The following USP34 variants were observed in gnomAD, a reference collection of about 807,000 sequenced individuals.
USP34 encodes the protein ubiquitin carboxyl-terminal hydrolase 34.
A neutral mutation model predicts 460.3 loss-of-function variants in USP34; 70 were observed. That is an observed-to-expected ratio of 0.15 (90% confidence interval 0.13 to 0.19). The LOEUF (loss-of-function observed/expected upper bound fraction) is 0.19, where lower values mean the gene tolerates loss of function less well. Ranked by LOEUF, USP34 falls within the 10% of genes least tolerant of loss-of-function variation. The pLI is 1.00. For missense variants in USP34, 3,985 were observed against 4,236.2 expected, an observed-to-expected ratio of 0.94 and a Z score of 1.65; for synonymous variants, 1,647 against 1,405.3, an observed-to-expected ratio of 1.17 and a Z score of -3.85.
At chr2:61,365,072 T>C (rs1692390157) in intron 10 of USP34, among the ~76,000 whole-genome samples, 1 of 151,924 alleles carries the variant, frequency 6.6e-6, no homozygotes, top group Admixed American at 6.6e-5. Context: ...ACCAACATGG[T>C]GAAATCCCGT....
intron 20 of USP34, 35 bp from the exon 21 acceptor site, chr2:61,325,492 C>G: frequency 7.4e-7 from 1 of 1,345,756 alleles, no homozygotes; most frequent in Non-Finnish European, 9.9e-7. Flanking sequence ...AATTAAATAT[C>G]CTATTTCTTA....
intron 18 of USP34, among the ~76,000 whole-genome samples, chr2:61,337,240 A>G (rs1691448497): frequency 6.6e-6 from 1 of 152,200 alleles, no homozygotes; most frequent in Non-Finnish European, 1.5e-5. Context: ...CATGATATAA[A>G]TAAAATAATA....
chr2:61,435,419 G>T (rs895865342), intron 1 of USP34, among the ~76,000 whole-genome samples: 3 of 150,478 alleles, frequency 2.0e-5, no homozygotes, highest in Non-Finnish European at 4.4e-5. Flanking sequence ...ATCCTTACAG[G>T]CAAGGAGTGA....
Position 61,278,412 on chromosome 2 carries a change from C to T in USP34, c.5288G>A (p.Arg1763Lys), listed in dbSNP as rs772156487. The T allele has an allele frequency of 1.2e-6, 2 of 1,601,182 alleles. No individual in the cohort carries two copies. The highest frequency in any genetic ancestry group is 2.3e-5 in the South Asian group (2 of 87,984). Residue 1763 changes from arginine to lysine, a missense_variant, in exon 40 of 80, where the codon AGA (arginine) becomes AAA (lysine). Arg to Lys is a conservative substitution (Grantham distance 26). Around this residue, in one of 14 missense-constraint regions of USP34, gnomAD observed 1,114 missense variants for 1,122.5 expected, o/e 0.99. Transcript: ENST00000398571. ...CCTTCGAATACAGTCAGCCAAATGT[C>T]TTGCCAAGGCATCTAAGTCGAGGAG... ...TTLLDLDALA[R>K]HLADCIRSRE... is the part of the protein sequence containing the mutation.
At position 61,296,927 on chromosome 2, in the gene USP34, TAC is replaced by T. The variant is rs1273768686; in HGVS notation, c.4129-4_4129-3del. 1 of 1,608,128 alleles carries T rather than the reference TAC, an allele frequency of 6.2e-7. No individual in the cohort carries two copies. The highest frequency in any genetic ancestry group is 1.1e-5 in the South Asian group (1 of 89,676). On this transcript the variant is annotated splice_polypyrimidine_tract_variant and splice_region_variant and intron_variant, in intron 29 of 79. Transcript: ENST00000398571. Reference sequence around the variant, plus strand: ...ATGAAGTTCTTCACATCGTAAGCTCTACACAAATAAGAACAACTACTTTATCA... The same window carrying T: ...ATGAAGTTCTTCACATCGTAAGCTCTACAAATAAGAACAACTACTTTATCA...
chr2:61,344,011 C>T lies in USP34; in HGVS notation c.2304G>A (p.Met768Ile), dbSNP rs902779568. 4 of 1,613,746 alleles carry T rather than the reference C, an allele frequency of 2.5e-6. No homozygotes were observed. The highest frequency in any genetic ancestry group is 2.2e-5 in the East Asian group (1 of 44,800). The part of the protein sequence containing the change: ...HHHDGHMVDD[M>I]LSADDVSCSS... ...TACAACTGACATCATCTGCACTTAG[C>T]ATATCATCAACCATATGCCTACAAA... The change falls in exon 16 of 80, where the codon ATG becomes ATA. Residue 768 changes from methionine (M) to isoleucine (I), a missense_variant. This residue lies in a region of USP34 where 716 missense variants were observed against 626.2 expected (regional missense o/e 1.14). Transcript: ENST00000398571.
chr2:61,335,673 T>C (rs1691394421), intron 18 of USP34, among the ~76,000 whole-genome samples: 1 of 152,126 alleles, frequency 6.6e-6, no homozygotes, highest in Admixed American at 6.6e-5. Context: ...CGCTTGAGCC[T>C]GGGAGGCGGA....
In USP34 at chr2:61,264,746, G is replaced by A. The variant is rs189485073; in HGVS notation, c.5778+651C>T. Among the ~76,000 whole-genome samples, 174 of 151,974 alleles carry A rather than the reference G, an allele frequency of 1.1e-3. No homozygotes were observed. In the Middle Eastern group the frequency reaches 0.014, roughly 12 times the overall value. On this transcript the variant is annotated intron_variant, in intron 43 of 79. Coordinates refer to ENST00000398571, the MANE Select transcript of USP34 (RefSeq NM_014709.4). ...ACTAAAAAATAGCCCATAGTTGGCC[G>A]GGCATGGTGGCTCACACCTGTAATC... is the stretch of plus-strand genomic sequence containing the variant.
At chr2:61,238,407 T>A (rs924670769) in intron 53 of USP34, among the ~76,000 whole-genome samples, 13 of 152,194 alleles carry the variant, frequency 8.5e-5, no homozygotes, top group Non-Finnish European at 1.9e-4. Context: ...CAGTTTAAGG[T>A]TAACTTCCTG....
chr2:61,245,177 A>T (rs1411662924), intron 51 of USP34, 33 bp downstream of exon 51: 16 of 1,562,458 alleles, frequency 1.0e-5, no homozygotes, highest in Non-Finnish European at 1.4e-5. Flanking sequence ...TTGGAAGGAC[A>T]CAAACCATTT....
Position 61,233,837 on chromosome 2 carries a change from TG to T in USP34, c.7033-1306del, listed in dbSNP as rs1687987438. On this transcript the variant is annotated intron_variant, in intron 57 of 79. Transcript: ENST00000398571. ...CTGGATGACAGAGTGACACCCACTCTGGGGGTAAAAAAAAAAAAAAAAGTTA... is the reference window on the plus strand; with the variant it reads ...CTGGATGACAGAGTGACACCCACTCTGGGGTAAAAAAAAAAAAAAAAGTTA... 3.6e-5 allele frequency among the ~76,000 whole-genome samples: 4 copies of T among 110,030 alleles called. No homozygotes were observed. The Admixed American group carries it at 4.1e-4, about 11-fold the overall frequency. 72.2% of individuals were successfully genotyped at this position (110,030 alleles called of 152,430 possible). A position where few individuals can be genotyped will look rare whatever the true frequency, so the allele number is the denominator to read the frequency against.
intron 3 of USP34, among the ~76,000 whole-genome samples, chr2:61,404,170 C>G (rs528950841): frequency 2.0e-5 from 3 of 151,502 alleles, no homozygotes; most frequent in African/African-American, 7.3e-5. Flanking sequence ...AGTCTCCATT[C>G]GACATGAAAA....
At chr2:61,465,849 C>T (rs1164926374) in intron 1 of USP34, among the ~76,000 whole-genome samples, 2 of 151,558 alleles carry the variant, frequency 1.3e-5, no homozygotes, top group Non-Finnish European at 2.9e-5. Flanking sequence ...TGGTAGCGGG[C>T]GCCTGTAGTT....
intron 76 of USP34, chr2:61,191,208 G>C (rs777592): frequency 0.3 from 45,936 of 152,178 alleles, 7,312 homozygotes; most frequent in Middle Eastern, 0.41. Context: ...ATCTCACACA[G>C]AATCAGTGGT....
chr2:61,444,570 G>T (rs1695055701), intron 1 of USP34, among the ~76,000 whole-genome samples: 2 of 152,134 alleles, frequency 1.3e-5, no homozygotes, highest in South Asian at 4.1e-4. Flanking sequence ...GAAGCACTAT[G>T]AATCCCAATA....
At chr2:61,395,076 T>C (rs1693475080) in intron 4 of USP34, 74 bp from the exon 5 acceptor site, 3 of 1,485,898 alleles carry the variant, frequency 2.0e-6, no homozygotes, top group Middle Eastern at 1.9e-4. Context: ...ACTGGAAAGA[T>C]ACTGATGAGA....
chr2:61,242,706 G>A (rs1471080414), intron 51 of USP34, among the ~76,000 whole-genome samples: 8 of 152,084 alleles, frequency 5.3e-5, no homozygotes, highest in East Asian at 1.9e-4. Flanking sequence ...GTAAGGAGAC[G>A]AGGATTCTAC....
chr2:61,195,216 CAA>C (rs976405149), intron 75 of USP34, among the ~76,000 whole-genome samples: 10 of 151,542 alleles, frequency 6.6e-5, no homozygotes, highest in African/African-American at 2.4e-4. Context: ...CAAACTCTCT[CAA>C]AAAGTTTTGT....
intron 1 of USP34, among the ~76,000 whole-genome samples, chr2:61,463,921 A>G (rs139318507): frequency 1.3e-5 from 2 of 152,306 alleles, no homozygotes; most frequent in Non-Finnish European, 2.9e-5. Context: ...CAAGTCACAT[A>G]AATTCTCTAA....
Sources: gnomAD v4.1 joint callset for allele counts (sites outside exome capture counted in the v4.1 genomes callset) on GRCh38, gnomAD v4.1.1 for gene constraint, gnomAD v4.1.1 regional missense constraint, MANE v1.5 for transcripts, NCBI Gene and HGNC (gene_info 2026-07-23, HGNC 2026-07-21) for gene names.